CPAMD8: variants seen among roughly 807,000 people sequenced by gnomAD.
The protein encoded by CPAMD8 is C3 and PZP-like alpha-2-macroglobulin domain-containing protein 8.
A neutral mutation model predicts 224.7 loss-of-function variants in CPAMD8; 146 were observed. That is an observed-to-expected ratio of 0.65 (90% confidence interval 0.57 to 0.75). The LOEUF is 0.75. Among genes scored for constraint, CPAMD8 ranks in the 30% least tolerant of loss-of-function variants. CPAMD8 has a pLI of 0.00. For synonymous variants in CPAMD8, 966 were observed against 1,044.6 expected (o/e 0.92, Z 1.45); for missense variants, 2,301 against 2,537.5 (o/e 0.91, Z 2.00).
At chr19:16,968,130 G>T (rs931880805) in intron 18 of CPAMD8, among the ~76,000 whole-genome samples, 2 of 152,050 alleles carry the variant, frequency 1.3e-5, no homozygotes, top group African/African-American at 4.8e-5. Context: ...ATGTGAGTGG[G>T]TCAGGGCCTC....
rs375733041 is a variant in CPAMD8 at position 16,903,744 on chromosome 19, G to A, written c.4365C>T (p.Phe1455=). Residue 1455 remains phenylalanine, a synonymous_variant, in exon 33 of 42, where the codon TTC becomes TTT. Coordinates refer to ENST00000443236, the MANE Select transcript of CPAMD8 (RefSeq NM_015692.5). ...ASTNLDYQET[F]ELHRTNQKVL... is the part of the protein sequence containing the mutation. ...CCTTCTGGTTGGTCCTGTGCAGCTCGAAGGTTTCCTGGTAGTCCAGGTTGG... is the reference window on the plus strand; with the variant it reads ...CCTTCTGGTTGGTCCTGTGCAGCTCAAAGGTTTCCTGGTAGTCCAGGTTGG... The A allele has an allele frequency of 1.5e-5, 25 of 1,614,064 alleles. No individual in the cohort carries two copies. The highest frequency in any genetic ancestry group is 1.1e-5 in the Non-Finnish European group (13 of 1,180,028).
At chr19:17,010,225 T>G (rs1311217938) in intron 5 of CPAMD8, among the ~76,000 whole-genome samples, 1 of 149,240 alleles carries the variant, frequency 6.7e-6, no homozygotes, top group Non-Finnish European at 1.5e-5. Flanking sequence ...TTCCTCCTCT[T>G]TTTTTTTTGG....
intron 29 of CPAMD8, among the ~76,000 whole-genome samples, chr19:16,912,287 A>C (rs1044356699): frequency 3.3e-5 from 5 of 152,234 alleles, no homozygotes; most frequent in Admixed American, 6.5e-5. Context: ...AGAGACCAGA[A>C]CTCAGAAGAC....
intron 20 of CPAMD8, among the ~76,000 whole-genome samples, chr19:16,948,664 G>A (rs968884223): frequency 2.6e-5 from 4 of 151,536 alleles, no homozygotes; most frequent in African/African-American, 9.7e-5. Context: ...AACCTAGGAG[G>A]TGGAGGTTGC....
At chr19:16,980,796 G>T in intron 13 of CPAMD8, 110 bp from the exon 14 acceptor site, 1 of 797,688 alleles carries the variant, frequency 1.3e-6, no homozygotes. Context: ...CTGAGGGAGC[G>T]GAGTGCCCAG....
intron 18 of CPAMD8, among the ~76,000 whole-genome samples, chr19:16,967,596 G>C (rs530657688): frequency 9.9e-4 from 151 of 152,058 alleles, no homozygotes; most frequent in African/African-American, 3.4e-3. Flanking sequence ...CATGAGGTCA[G>C]GAGATGGAGA....
rs75465445 is a variant in CPAMD8 at position 16,957,664 on chromosome 19, C to T, written c.2276+189G>A. On this transcript the variant is annotated intron_variant, in intron 19 of 41. Transcript: ENST00000443236. ...TTGCATTTCATATTTCACAGGCAAA[C>T]GTCCAAATGTGCAGCGGGACTCAAG... 3.7e-3 allele frequency: 2,345 copies of T among 631,240 alleles called. 32 individuals carry two copies. In the African/African-American group the frequency reaches 0.038, roughly 10 times the overall value. 39.1% of individuals were successfully genotyped at this position (631,240 alleles called of 1,614,324 possible). A position where few individuals can be genotyped will look rare whatever the true frequency, so the allele number is the denominator to read the frequency against.
rs143795609 is a variant in CPAMD8, at chr19:16,941,950, C to T, written c.2794-3504G>A. On this transcript the variant is annotated intron_variant, in intron 22 of 41. Transcript: ENST00000443236. ...ATCATGCCATTGCACTCCAGCGTGG[C>T]GACAGAGCGAGACTCCATCTCAAAA... Among the ~76,000 whole-genome samples, 462 of 151,976 alleles carry T rather than the reference C, an allele frequency of 3.0e-3. 2 individuals carry two copies. Among genetic ancestry groups the T allele is most frequent in the Non-Finnish European group, 4.7e-3 (317 of 67,968 alleles).
Position 16,966,562 on chromosome 19 carries a change from A to C in CPAMD8, c.2213+4329T>G, listed in dbSNP as rs558302709. On this transcript the variant is annotated intron_variant, in intron 18 of 41. Coordinates refer to ENST00000443236, the MANE Select transcript of CPAMD8 (RefSeq NM_015692.5). ...CCATCAGAGTGAACAGGCAACCTAC[A>C]GATTGGGAGAAAATTTTTGCAATCT... Among the ~76,000 whole-genome samples the C allele has an allele frequency of 1.6e-3, 238 of 152,352 alleles. 1 individual carries two copies. In the Middle Eastern group the frequency reaches 0.017, roughly 11 times the overall value.
chr19:16,954,621 G>A (rs1286130531), intron 19 of CPAMD8, among the ~76,000 whole-genome samples: 1 of 152,128 alleles, frequency 6.6e-6, no homozygotes, highest in African/African-American at 2.4e-5. Flanking sequence ...GCAACTCAAG[G>A]GTCCATCGAC....
At chr19:16,942,255 C>A (rs933920786) in intron 22 of CPAMD8, among the ~76,000 whole-genome samples, 6 of 151,750 alleles carry the variant, frequency 4.0e-5, no homozygotes, top group Admixed American at 2.0e-4. Context: ...TGAGGTCAGG[C>A]GTTCAAGACC....
At chr19:16,913,408 A>G (rs529310579) in intron 29 of CPAMD8, among the ~76,000 whole-genome samples, 3 of 152,234 alleles carry the variant, frequency 2.0e-5, no homozygotes, top group African/African-American at 7.2e-5. Flanking sequence ...ATGAAGAGGA[A>G]GAGCACTAGA....
chr19:16,992,544 CG>C (rs1568573393), intron 12 of CPAMD8, among the ~76,000 whole-genome samples: 1 of 152,050 alleles, frequency 6.6e-6, no homozygotes, highest in Non-Finnish European at 1.5e-5. Flanking sequence ...TTCCACCTCC[CG>C]GGTTCAAGCA....
chr19:16,934,791 T>A (rs1283811457), intron 23 of CPAMD8, among the ~76,000 whole-genome samples: 1 of 152,204 alleles, frequency 6.6e-6, no homozygotes, highest in African/African-American at 2.4e-5. Flanking sequence ...TTACAATGTT[T>A]TAATTGTGGT....
intron 12 of CPAMD8, among the ~76,000 whole-genome samples, chr19:16,990,638 G>T (rs2122897630): frequency 6.6e-6 from 1 of 152,086 alleles, no homozygotes; most frequent in Admixed American, 6.6e-5. Flanking sequence ...GCCAAGGTGG[G>T]CAGATCACGA....
chr19:16,897,713 C>G lies in CPAMD8; in HGVS notation c.5043G>C (p.Glu1681Asp). 6.4e-7 allele frequency: 1 copy of G among 1,554,002 alleles called. No individual in the cohort carries two copies. The highest frequency in any genetic ancestry group is 8.7e-7 in the Non-Finnish European group (1 of 1,150,098). The change falls in exon 39 of 42, where the codon GAG becomes GAC. Residue 1681 changes from glutamate to aspartate, a missense_variant. Physicochemically the swap from Glu to Asp is conservative, Grantham distance 45. Coordinates refer to ENST00000443236, the MANE Select transcript of CPAMD8 (RefSeq NM_015692.5). Reference protein sequence around the residue: ...LCAGPACNEVERAPARGPGWF... With the variant: ...LCAGPACNEVDRAPARGPGWF... ...CACCCGGGCCCCGGGCAGGGGCGCG[C>G]TCCACTTCGTTGCACGCGGGTCCGG... is the stretch of plus-strand genomic sequence containing the variant.
At chr19:16,911,125 G>A (rs141673506) in intron 29 of CPAMD8, among the ~76,000 whole-genome samples, 298 of 152,282 alleles carry the variant, frequency 2.0e-3, no homozygotes, top group African/African-American at 5.2e-3. Flanking sequence ...CCCAACCTCC[G>A]GGTCACAGAC....
At chr19:17,025,866 A>T (rs755343171) in intron 1 of CPAMD8, among the ~76,000 whole-genome samples, 4 of 152,066 alleles carry the variant, frequency 2.6e-5, no homozygotes, top group Admixed American at 1.3e-4. Context: ...AACGACACCC[A>T]CCTAGTCTCA....
chr19:16,971,010 G>A lies in CPAMD8; in HGVS notation c.2094C>T (p.Thr698=), dbSNP rs761011743. The stretch of plus-strand genomic sequence containing the variant: ...GCCGGTGGTTCAGGCTCACTCGGTC[G>A]GTCATCACCACCAGTCCCGTTTCCT... The part of the protein sequence containing the change: ...AFTETGLVVM[T]DRVSLNHRQD... Residue 698 remains threonine, a synonymous_variant, in exon 18 of 42, where the codon ACC becomes ACT. Transcript: ENST00000443236. The A allele has an allele frequency of 1.1e-5, 18 of 1,609,778 alleles. No individual in the cohort carries two copies. Among genetic ancestry groups the A allele is most frequent in the Middle Eastern group, 1.6e-4 (1 of 6,076 alleles).
Sources: allele counts gnomAD v4.1 joint callset (sites outside exome capture counted in the v4.1 genomes callset), GRCh38; gene constraint gnomAD v4.1.1; transcripts MANE v1.5; gene names NCBI Gene and HGNC (gene_info 2026-07-23, HGNC 2026-07-21).